The following RALGPS2 variants were observed in gnomAD, a reference collection of about 807,000 sequenced individuals.
The protein encoded by RALGPS2 is Ral GEF with PH domain and SH3 binding motif 2, also known as ras-specific guanine nucleotide-releasing factor RalGPS2.
In RALGPS2, 43 loss-of-function variants were observed where a neutral mutation model predicts 86.8. The observed-to-expected ratio is 0.50, with a 90% CI of 0.39 to 0.64. RALGPS2 has a LOEUF of 0.64. RALGPS2 is among the 30% of genes least tolerant of loss of function. The pLI is 0.00. For synonymous variants in RALGPS2, 243 were observed against 231.3 expected, an observed-to-expected ratio of 1.05 and a Z score of -0.46; for missense variants, 536 against 694.6, an observed-to-expected ratio of 0.77 and a Z score of 2.57.
At position 178,828,036 on chromosome 1, in the gene RALGPS2, T is replaced by C. The variant is rs184516782; in HGVS notation, c.481-5388T>C. 2.1e-3 allele frequency among the ~76,000 whole-genome samples: 317 copies of C among 152,326 alleles called. 1 individual carries two copies. The highest frequency in any genetic ancestry group is 6.8e-3 in the Middle Eastern group (2 of 294). On this transcript the variant is annotated intron_variant, in intron 7 of 19. Transcript: ENST00000367635. ...CTAGAAGAAAACACACGGGAAAAGCTTCTTGACAGTGGATCTGGACAATAA... is the reference window on the plus strand; with the variant it reads ...CTAGAAGAAAACACACGGGAAAAGCCTCTTGACAGTGGATCTGGACAATAA...
intron 8 of RALGPS2, chr1:178,852,690 C>T (rs749799101): frequency 1.2e-6 from 2 of 1,612,040 alleles, no homozygotes; most frequent in South Asian, 1.1e-5. Context: ...TACCTGCATA[C>T]ATATCTTTAT....
intron 12 of RALGPS2, chr1:178,885,412 C>A: frequency 1.9e-6 from 1 of 538,656 alleles, no homozygotes; most frequent in South Asian, 2.6e-5. Flanking sequence ...GGGATTTTGT[C>A]AACAATGCAT....
At chr1:178,797,038 A>G (rs540423074) in intron 4 of RALGPS2, among the ~76,000 whole-genome samples, 4 of 152,240 alleles carry the variant, frequency 2.6e-5, no homozygotes, top group Non-Finnish European at 4.4e-5. Context: ...AGCCTTTGCT[A>G]AAATGGAGGC....
intron 4 of RALGPS2, among the ~76,000 whole-genome samples, chr1:178,797,265 T>G (rs1278478496): frequency 6.6e-6 from 1 of 152,094 alleles, no homozygotes; most frequent in East Asian, 1.9e-4. Flanking sequence ...TGGAGGAAGA[T>G]CTTAGAATCT....
chr1:178,784,709 CA>C lies in RALGPS2; in HGVS notation c.162+188del, dbSNP rs571797473. Among the ~76,000 whole-genome samples the C allele has an allele frequency of 3.3e-3, 498 of 152,072 alleles. 3 individuals carry two copies. The highest frequency in any genetic ancestry group is 0.012 in the African/African-American group (490 of 41,520). ...AGTGGGAAAAGTAAGAAAAGCTGTA[CA>C]TTTTTTTTTAGGGCAACTTTATAAG... On this transcript the variant is annotated intron_variant, in intron 3 of 19. Coordinates refer to ENST00000367635, the MANE Select transcript of RALGPS2 (RefSeq NM_152663.5).
chr1:178,865,822 TGAA>T, intron 8 of RALGPS2: 1 of 1,440,716 alleles, frequency 6.9e-7, no homozygotes, highest in Non-Finnish European at 9.3e-7. Context: ...AACAAATCAG[TGAA>T]GGAGAAAAAG....
intron 15 of RALGPS2, among the ~76,000 whole-genome samples, chr1:178,893,656 T>C (rs1345481425): frequency 6.6e-6 from 1 of 151,946 alleles, no homozygotes; most frequent in African/African-American, 2.4e-5. Flanking sequence ...AGTGAATTAC[T>C]GCATTCTTTC....
intron 8 of RALGPS2, among the ~76,000 whole-genome samples, chr1:178,875,499 G>A (rs1355361256): frequency 6.6e-6 from 1 of 152,124 alleles, no homozygotes; most frequent in Non-Finnish European, 1.5e-5. Context: ...TGTAATCCTA[G>A]CACTTTGGGA....
At chr1:178,916,275 A>G (rs1572482352) in intron 19 of RALGPS2, 55 bp from the exon 20 acceptor site, 3 of 1,405,338 alleles carry the variant, frequency 2.1e-6, no homozygotes, top group African/African-American at 2.9e-5. Flanking sequence ...AAGATAAGAA[A>G]TACTCCTTTG....
intron 2 of RALGPS2, among the ~76,000 whole-genome samples, chr1:178,778,130 T>C (rs1382539587): frequency 3.1e-5 from 4 of 127,172 alleles, no homozygotes; most frequent in Admixed American, 7.7e-5. Context: ...GAGAAAATTT[T>C]CACAACCTAC....
rs760883969 is a variant in RALGPS2, at chr1:178,852,978, G to C, written c.607+19428G>C. ...TCTGTTAATAAGTGAAGAAACATGAGTGCATAAATAAGTATAGAGATAGTA... is the reference window on the plus strand; with the variant it reads ...TCTGTTAATAAGTGAAGAAACATGACTGCATAAATAAGTATAGAGATAGTA... On this transcript the variant is annotated intron_variant, in intron 8 of 19. Transcript: ENST00000367635. 11 of 1,588,070 alleles carry C rather than the reference G, an allele frequency of 6.9e-6. No homozygotes were observed. The Admixed American group carries it at 1.8e-4, about 26-fold the overall frequency.
intron 8 of RALGPS2, chr1:178,851,377 T>C (rs1455324049): frequency 1.4e-6 from 2 of 1,423,786 alleles, no homozygotes; most frequent in Non-Finnish European, 1.9e-6. Flanking sequence ...TACTCTGCAA[T>C]CATAAAAAAC....
At chr1:178,727,801 T>C (rs896015025) in intron 1 of RALGPS2, among the ~76,000 whole-genome samples, 3 of 152,118 alleles carry the variant, frequency 2.0e-5, no homozygotes, top group Non-Finnish European at 4.4e-5. Flanking sequence ...GTTAGTTCCC[T>C]AGAGGTTGGG....
At chr1:178,739,732 G>A (rs953685902) in intron 1 of RALGPS2, among the ~76,000 whole-genome samples, 1 of 152,184 alleles carries the variant, frequency 6.6e-6, no homozygotes, top group Non-Finnish European at 1.5e-5. Context: ...GATCCAAAAG[G>A]TGACAGATAG....
Position 178,865,766 on chromosome 1 carries a change from A to G in RALGPS2, c.608-11732A>G, listed in dbSNP as rs144685672. The G allele has an allele frequency of 3.4e-4, 543 of 1,581,978 alleles. No individual in the cohort carries two copies. The highest frequency in any genetic ancestry group is 4.5e-4 in the Non-Finnish European group (520 of 1,168,404). On this transcript the variant is annotated intron_variant, in intron 8 of 19. Transcript: ENST00000367635. The stretch of plus-strand genomic sequence containing the variant: ...GAATAGCACACCTAGGGTCCAGGTA[A>G]AAGTCTTCATTTTGAAATGAGGTTG...
At chr1:178,912,682 C>G (rs924569962) in intron 19 of RALGPS2, among the ~76,000 whole-genome samples, 5 of 152,020 alleles carry the variant, frequency 3.3e-5, no homozygotes, top group African/African-American at 1.2e-4. Flanking sequence ...TGTATAGTAT[C>G]TTGTGGGGAG....
At chr1:178,779,944 G>A (rs1381728903) in intron 2 of RALGPS2, among the ~76,000 whole-genome samples, 1 of 152,154 alleles carries the variant, frequency 6.6e-6, no homozygotes, top group Non-Finnish European at 1.5e-5. Flanking sequence ...TTGTTGGCCA[G>A]GCTGGTCTTG....
intron 19 of RALGPS2, among the ~76,000 whole-genome samples, chr1:178,914,140 G>C (rs1337748617): frequency 6.6e-6 from 1 of 152,158 alleles, no homozygotes; most frequent in Non-Finnish European, 1.5e-5. Context: ...ACACAGCCCT[G>C]CTCTCTCCAA....
chr1:178,777,665 A>G (rs1653163620), intron 2 of RALGPS2, among the ~76,000 whole-genome samples: 2 of 151,686 alleles, frequency 1.3e-5, no homozygotes, highest in South Asian at 4.2e-4. Flanking sequence ...ACAGTAACCA[A>G]AACAGCATGG....
Sources: gnomAD v4.1 joint callset for allele counts (sites outside exome capture counted in the v4.1 genomes callset) on GRCh38, gnomAD v4.1.1 for gene constraint, MANE v1.5 for transcripts, NCBI Gene and HGNC (gene_info 2026-07-23, HGNC 2026-07-21) for gene names.